E2F7: variants seen among roughly 807,000 people sequenced by gnomAD.
E2F7 encodes E2F transcription factor 7, also known as transcription factor E2F7.
E2F7 carries 35 observed loss-of-function variants against 81.1 expected under a neutral mutation model. That is an observed-to-expected ratio of 0.43 (90% CI 0.33 to 0.57). The LOEUF (loss-of-function observed/expected upper bound fraction) is 0.57. Ranked by LOEUF, E2F7 falls within the 20% of genes least tolerant of loss-of-function variation. The probability of loss-of-function intolerance (pLI) is 0.04; values close to 1 mark genes in which losing one functional copy is unlikely to be tolerated. For synonymous variants in E2F7, 416 were observed against 416.2 expected (o/e 1.00, Z 0.01); for missense variants, 961 against 1,093.7 (o/e 0.88, Z 1.71).
intron 7 of E2F7, 97 bp downstream of exon 7, chr12:77,042,968 A>G (rs1592560632): frequency 6.4e-7 from 1 of 1,565,824 alleles, no homozygotes; most frequent in South Asian, 1.2e-5. Flanking sequence ...GTGACATGGG[A>G]AAAAGATCAG....
At chr12:77,056,350 C>T (rs1462664303) in intron 2 of E2F7, among the ~76,000 whole-genome samples, 4 of 152,196 alleles carry the variant, frequency 2.6e-5, no homozygotes, top group Non-Finnish European at 5.9e-5. Flanking sequence ...TTACACCTAT[C>T]TTTCATGGTA....
rs1954725043 is a variant in E2F7 at position 77,022,868 on chromosome 12, C to A, written c.*1147G>T. ...TAGAACAACCAACCCGTGCGCTCACCATTCTCATTTTTCAGAGGTACCAAC... is the reference window on the plus strand; with the variant it reads ...TAGAACAACCAACCCGTGCGCTCACAATTCTCATTTTTCAGAGGTACCAAC... On this transcript the variant is annotated 3_prime_UTR_variant, in exon 13 of 13. Coordinates refer to ENST00000322886, the MANE Select transcript of E2F7 (RefSeq NM_203394.3). 1 of 152,186 alleles carries A rather than the reference C, an allele frequency of 6.6e-6. No individual in the cohort carries two copies. The highest frequency in any genetic ancestry group is 6.5e-5 in the Admixed American group (1 of 15,268). 9.4% of individuals were successfully genotyped at this position (152,186 alleles called of 1,614,324 possible).
At position 77,030,205 on chromosome 12, in the gene E2F7, C is replaced by T. The variant is rs751285903; in HGVS notation, c.1510G>A (p.Val504Ile). 5.0e-6 allele frequency: 8 copies of T among 1,614,126 alleles called. No individual in the cohort carries two copies. The South Asian group carries it at 6.6e-5, about 13-fold the overall frequency. The change falls in exon 10 of 13, where the codon GTT becomes ATT. Residue 504 changes from valine to isoleucine, a missense_variant. Physicochemically the swap from Val to Ile is conservative, Grantham distance 29 (BLOSUM62 3). Coordinates refer to ENST00000322886, the MANE Select transcript of E2F7 (RefSeq NM_203394.3). ...AATGCCTGCAGGTCCGTCTGAGCAA[C>T]AGAAAATACTGGGTGGGCTAAAGGA... ...VNPLAHPVFS[V>I]AQTDLQAFSM...
At position 77,056,077 on chromosome 12, in the gene E2F7, A is replaced by G. The variant is rs1191543566; in HGVS notation, c.147T>C (p.Asn49=). The change falls in exon 3 of 13, where the codon AAT becomes AAC. Residue 49 remains asparagine (N), a synonymous_variant. Coordinates refer to ENST00000322886, the MANE Select transcript of E2F7 (RefSeq NM_203394.3). ...TTTGCTTCGATAAATCAATTGGTTC[A>G]TTTTTTATTGGAGTCTTCGGGGCCA... ...SRMAPKTPIK[N]EPIDLSKQKK... 2 of 1,613,886 alleles carry G rather than the reference A, an allele frequency of 1.2e-6. No homozygotes were observed. Among genetic ancestry groups the G allele is most frequent in the African/African-American group, 2.7e-5 (2 of 74,886 alleles).
intron 2 of E2F7, 32 bp downstream of exon 2, chr12:77,064,511 T>TA: frequency 6.4e-7 from 1 of 1,556,848 alleles, no homozygotes; most frequent in South Asian, 1.1e-5. Flanking sequence ...ATCCTTAACA[T>TA]ATTAGAAACT....
intron 10 of E2F7, among the ~76,000 whole-genome samples, chr12:77,028,812 T>C (rs1236584537): frequency 2.6e-5 from 4 of 152,210 alleles, no homozygotes; most frequent in African/African-American, 9.7e-5. Flanking sequence ...TTAATATTGC[T>C]AACACATAAA....
intron 3 of E2F7, among the ~76,000 whole-genome samples, chr12:77,051,486 G>C (rs954525905): frequency 9.2e-5 from 14 of 151,892 alleles, no homozygotes; most frequent in Non-Finnish European, 1.6e-4. Flanking sequence ...GGGGCCTGTC[G>C]TGGGGTGGGG....
chr12:77,046,391 T>G, intron 4 of E2F7, 63 bp from the exon 5 acceptor site: 2 of 1,544,240 alleles, frequency 1.3e-6, no homozygotes, highest in African/African-American at 2.7e-5. Context: ...AGAAGTTCCT[T>G]GAGGGCCTGG....
chr12:77,044,891 G>T, intron 5 of E2F7, 96 bp from the exon 6 acceptor site: 1 of 1,379,854 alleles, frequency 7.2e-7, no homozygotes, highest in Non-Finnish European at 9.8e-7. Flanking sequence ...CCTATCAGCA[G>T]ATGGAAAGAT....
chr12:77,064,323 T>C (rs1439679329), intron 2 of E2F7, among the ~76,000 whole-genome samples: 1 of 152,246 alleles, frequency 6.6e-6, no homozygotes, highest in Non-Finnish European at 1.5e-5. Context: ...GTTACAACAT[T>C]ACATGTAACC....
In E2F7 at chr12:77,023,867, G is replaced by T. The variant is rs1182859413; in HGVS notation, c.*148C>A. On this transcript the variant is annotated 3_prime_UTR_variant, in exon 13 of 13. Transcript: ENST00000322886. ...ACAATTAATTACTTTCAGGAAATCA[G>T]ATGATTGATGGTGGTGGGAAGTTAA... 1.2e-5 allele frequency: 11 copies of T among 946,922 alleles called. No individual in the cohort carries two copies. Among genetic ancestry groups the T allele is most frequent in the Non-Finnish European group, 1.6e-5 (10 of 640,832 alleles). 58.7% of individuals were successfully genotyped at this position (946,922 alleles called of 1,614,324 possible).
intron 3 of E2F7, among the ~76,000 whole-genome samples, chr12:77,055,021 A>G (rs1412468415): frequency 6.6e-6 from 1 of 152,158 alleles, no homozygotes; most frequent in Non-Finnish European, 1.5e-5. Context: ...GCCAAAGAAC[A>G]GCCCAGACTT....
At chr12:77,025,499 T>G in intron 12 of E2F7, 59 bp downstream of exon 12, 2 of 1,570,992 alleles carry the variant, frequency 1.3e-6, no homozygotes, top group Non-Finnish European at 1.7e-6. Flanking sequence ...AAATGAAAGC[T>G]AAACACAGGC....
intron 3 of E2F7, among the ~76,000 whole-genome samples, chr12:77,053,074 T>C (rs1221867477): frequency 1.3e-5 from 2 of 152,088 alleles, no homozygotes; most frequent in African/African-American, 4.8e-5. Context: ...GGGAGGCAAA[T>C]AGTACTTTGG....
chr12:77,027,966 G>C lies in E2F7; in HGVS notation c.2057C>G (p.Thr686Arg), dbSNP rs754508421. 6.2e-7 allele frequency: 1 copy of C among 1,614,186 alleles called. No individual in the cohort carries two copies. Among genetic ancestry groups the C allele is most frequent in the Non-Finnish European group, 8.5e-7 (1 of 1,180,038 alleles). ...TTCTTTTGAAGGCTTTTCAACATCT[G>C]TATTTCTTGAAGGATTTCCCCACTC... The part of the protein sequence containing the change: ...SSEWGNPSRN[T>R]DVEKPSKENE... The change falls in exon 11 of 13, where the codon ACA (threonine) becomes AGA (arginine). Residue 686 changes from threonine to arginine, a missense_variant. Physicochemically the swap from Thr to Arg is moderately conservative, Grantham distance 71. Coordinates refer to ENST00000322886, the MANE Select transcript of E2F7 (RefSeq NM_203394.3).
Position 77,033,125 on chromosome 12 carries a change from G to A in E2F7, c.1310-3C>T. ...TTCTAAAGAGTAGCCACCTGATCCT[G>A]AAAAGGAAGATGAAGGCTTAACAAA... On this transcript the variant is annotated splice_polypyrimidine_tract_variant and splice_region_variant and intron_variant, in intron 8 of 12. Coordinates refer to ENST00000322886, the MANE Select transcript of E2F7 (RefSeq NM_203394.3). 2 of 1,613,348 alleles carry A rather than the reference G, an allele frequency of 1.2e-6. No homozygotes were observed. Among genetic ancestry groups the A allele is most frequent in the Non-Finnish European group, 8.5e-7 (1 of 1,179,838 alleles).
rs570586726 is a variant in E2F7 at position 77,027,864 on chromosome 12, A to G, written c.2140+19T>C. On this transcript the variant is annotated intron_variant, in intron 11 of 12. Coordinates refer to ENST00000322886, the MANE Select transcript of E2F7 (RefSeq NM_203394.3). ...TCTGACTGCCGCAAGGGACTCTAAG[A>G]CATGATGACATCCCTTACCTGCAGG... 1 of 1,612,976 alleles carries G rather than the reference A, an allele frequency of 6.2e-7. No individual in the cohort carries two copies. Among genetic ancestry groups the G allele is most frequent in the East Asian group, 2.2e-5 (1 of 44,866 alleles).
chr12:77,035,979 A>AGAGAGCT (rs372957409), intron 7 of E2F7, among the ~76,000 whole-genome samples: 1 of 151,350 alleles, frequency 6.6e-6, no homozygotes, highest in Non-Finnish European at 1.5e-5. Flanking sequence ...AATAAAGAAT[A>AGAGAGCT]TGAATAAATG....
At chr12:77,034,415 T>C (rs570833680) in intron 7 of E2F7, among the ~76,000 whole-genome samples, 1 of 152,324 alleles carries the variant, frequency 6.6e-6, no homozygotes, top group South Asian at 2.1e-4. Context: ...CCAACATGCA[T>C]ATTTTGAGAT....
Sources: allele counts gnomAD v4.1 joint callset (sites outside exome capture counted in the v4.1 genomes callset), GRCh38; gene constraint gnomAD v4.1.1; transcripts MANE v1.5; gene names NCBI Gene and HGNC (gene_info 2026-07-23, HGNC 2026-07-21).